The following MAGI2 variants were observed in gnomAD, a reference collection of about 807,000 sequenced individuals.
MAGI2 encodes membrane associated guanylate kinase, WW and PDZ domain containing 2, also known as membrane-associated guanylate kinase, WW and PDZ domain-containing protein 2.
MAGI2 carries 35 observed loss-of-function variants against 133.3 expected under a neutral mutation model. That is an observed-to-expected ratio of 0.26 (90% confidence interval 0.20 to 0.35). The LOEUF is 0.35. Among genes scored for constraint, MAGI2 ranks in the 10% least tolerant of loss-of-function variants. MAGI2 has a pLI of 1.00. For synonymous variants in MAGI2, 729 were observed against 710.6 expected (o/e 1.03, Z -0.41); for missense variants, 1,636 against 1,863.4 (o/e 0.88, Z 2.25).
chr7:78,699,202 C>T (rs1042626386), intron 2 of MAGI2, among the ~76,000 whole-genome samples: 4 of 152,116 alleles, frequency 2.6e-5, no homozygotes, highest in Admixed American at 6.6e-5. Context: ...CTCTGCCTTG[C>T]GGGCTCAAAC....
In MAGI2 at chr7:78,019,169, A is replaced by C. The variant is rs1163039864; in HGVS notation, c.*146T>G. The C allele has an allele frequency of 6.5e-6, 6 of 923,524 alleles. No individual in the cohort carries two copies. The highest frequency in any genetic ancestry group is 1.7e-5 in the African/African-American group (1 of 58,196). 57.2% of individuals were successfully genotyped at this position (923,524 alleles called of 1,614,324 possible). ...GCGATGCCGCCCAAGCACACCGGACACGTGGGACTTCACGTCGATGCTCCC... is the reference window on the plus strand; with the variant it reads ...GCGATGCCGCCCAAGCACACCGGACCCGTGGGACTTCACGTCGATGCTCCC... On this transcript the variant is annotated 3_prime_UTR_variant, in exon 22 of 22. Coordinates refer to ENST00000354212, the MANE Select transcript of MAGI2 (RefSeq NM_012301.4).
chr7:78,549,441 C>A (rs761705855), intron 3 of MAGI2, among the ~76,000 whole-genome samples: 18 of 151,850 alleles, frequency 1.2e-4, no homozygotes, highest in Admixed American at 2.6e-4. Context: ...TAAAATCACC[C>A]GATTCCTCAC....
At chr7:78,488,462 AG>A (rs961562709) in intron 6 of MAGI2, among the ~76,000 whole-genome samples, 2 of 152,064 alleles carry the variant, frequency 1.3e-5, no homozygotes, top group African/African-American at 4.8e-5. Flanking sequence ...GGATATATTA[AG>A]GTTTTACAAC....
intron 1 of MAGI2, among the ~76,000 whole-genome samples, chr7:79,016,659 T>C (rs533003077): frequency 1.2e-4 from 19 of 152,220 alleles, no homozygotes; most frequent in Non-Finnish European, 8.8e-5. Flanking sequence ...GTGTGCACCA[T>C]GCTGTGACAC....
chr7:78,343,803 T>C lies in MAGI2; in HGVS notation c.1383A>G (p.Ala461=). The C allele has an allele frequency of 6.2e-7, 1 of 1,605,378 alleles. No individual in the cohort carries two copies. The highest frequency in any genetic ancestry group is 2.2e-5 in the East Asian group (1 of 44,602). The change falls in exon 9 of 22, where the codon GCA becomes GCG. Residue 461 remains alanine (A), a synonymous_variant. Coordinates refer to ENST00000354212, the MANE Select transcript of MAGI2 (RefSeq NM_012301.4). ...CTGTTTCCATTTTTCCATCCTGTGC[T>C]GCAGGCCCATCCGGAATCACACTTT... ...QVKSVIPDGP[A]AQDGKMETGD...
At chr7:78,821,258 T>C (rs1790080394) in intron 2 of MAGI2, among the ~76,000 whole-genome samples, 1 of 152,074 alleles carries the variant, frequency 6.6e-6, no homozygotes, top group Non-Finnish European at 1.5e-5. Flanking sequence ...TATTCATACA[T>C]GCCTACTATG....
intron 1 of MAGI2, among the ~76,000 whole-genome samples, chr7:79,053,008 CTG>C (rs1234757528): frequency 1.3e-5 from 2 of 152,118 alleles, no homozygotes; most frequent in Non-Finnish European, 2.9e-5. Flanking sequence ...CTATCTCACT[CTG>C]TCGTCCAGGC....
In MAGI2 at chr7:78,665,840, C is replaced by T. The variant is rs76491689; in HGVS notation, c.419-38601G>A. On this transcript the variant is annotated intron_variant, in intron 2 of 21. Coordinates refer to ENST00000354212, the MANE Select transcript of MAGI2 (RefSeq NM_012301.4). ...TGTTGAACAACTATTATATGCCAGG[C>T]ACGTCTCTAAATGCTAGAGATATGA... Among the ~76,000 whole-genome samples the T allele has an allele frequency of 1.8e-3, 275 of 152,156 alleles. 8 individuals carry two copies. In the East Asian group the frequency reaches 0.047, roughly 26 times the overall value.
intron 1 of MAGI2, among the ~76,000 whole-genome samples, chr7:79,271,884 CCA>C (rs991426110): frequency 3.3e-5 from 5 of 152,038 alleles, no homozygotes; most frequent in African/African-American, 1.2e-4. Context: ...ACTCTCCCCA[CCA>C]CAGTCTTCAA....
At chr7:78,979,141 T>C (rs551565950) in intron 2 of MAGI2, among the ~76,000 whole-genome samples, 3 of 151,914 alleles carry the variant, frequency 2.0e-5, no homozygotes, top group Middle Eastern at 3.4e-3. Context: ...AACATACAGA[T>C]TGGTTTTTGC....
chr7:79,401,588 A>C (rs924241857), intron 1 of MAGI2, among the ~76,000 whole-genome samples: 1 of 152,204 alleles, frequency 6.6e-6, no homozygotes, highest in Admixed American at 6.6e-5. Flanking sequence ...TAGGGATAAA[A>C]GTCCAAACTT....
intron 9 of MAGI2, among the ~76,000 whole-genome samples, chr7:78,325,008 C>A (rs771536307): frequency 2.6e-5 from 4 of 152,046 alleles, no homozygotes; most frequent in Non-Finnish European, 4.4e-5. Flanking sequence ...AACAATGAAT[C>A]AAAATCTGTC....
At chr7:79,061,612 A>C (rs1437807549) in intron 1 of MAGI2, among the ~76,000 whole-genome samples, 1 of 152,146 alleles carries the variant, frequency 6.6e-6, no homozygotes, top group Non-Finnish European at 1.5e-5. Context: ...GAATTATTAA[A>C]GAAATTGAAT....
chr7:79,309,655 T>C (rs2129560490), intron 1 of MAGI2, among the ~76,000 whole-genome samples: 1 of 152,130 alleles, frequency 6.6e-6, no homozygotes, highest in South Asian at 2.1e-4. Flanking sequence ...TTAGCTTGCA[T>C]ACTGCTGTGA....
rs145828684 is a variant in MAGI2, at chr7:79,425,068, T to C, written c.301+27952A>G. On this transcript the variant is annotated intron_variant, in intron 1 of 21. Coordinates refer to ENST00000354212, the MANE Select transcript of MAGI2 (RefSeq NM_012301.4). ...TTTAAGACCAGCCTGGCCAAGATGG[T>C]GAAACTCCATCTCTACTAAAAATAG... Among the ~76,000 whole-genome samples, 67 of 151,960 alleles carry C rather than the reference T, an allele frequency of 4.4e-4. No homozygotes were observed. In the East Asian group the frequency reaches 0.012, roughly 28 times the overall value.
intron 2 of MAGI2, among the ~76,000 whole-genome samples, chr7:78,974,457 C>T (rs1804060968): frequency 6.6e-6 from 1 of 151,860 alleles, no homozygotes; most frequent in African/African-American, 2.4e-5. Flanking sequence ...TCAATTCAAT[C>T]ACACTTAGTA....
intron 1 of MAGI2, among the ~76,000 whole-genome samples, chr7:79,346,560 A>T (rs1254875780): frequency 6.6e-6 from 1 of 151,950 alleles, no homozygotes; most frequent in Admixed American, 6.6e-5. Context: ...CTAGGCAATA[A>T]GGCTCTCTGC....
At chr7:78,378,740 C>T (rs769198468) in intron 6 of MAGI2, among the ~76,000 whole-genome samples, 2 of 151,946 alleles carry the variant, frequency 1.3e-5, no homozygotes, top group Admixed American at 6.6e-5. Flanking sequence ...CAAGCTACTT[C>T]GACCAAGAGA....
intron 3 of MAGI2, among the ~76,000 whole-genome samples, chr7:78,556,099 T>C (rs1799799104): frequency 6.6e-6 from 1 of 152,192 alleles, no homozygotes. Context: ...CCAGTTTATA[T>C]TTTTCCAAAA....
Sources: gnomAD v4.1 joint callset for allele counts (sites outside exome capture counted in the v4.1 genomes callset) on GRCh38, gnomAD v4.1.1 for gene constraint, MANE v1.5 for transcripts, NCBI Gene and HGNC (gene_info 2026-07-23, HGNC 2026-07-21) for gene names.